Variants in MAP4K4 observed in about 807,000 individuals in gnomAD.
The protein encoded by MAP4K4 is HPK/GCK-like kinase HGK.
MAP4K4 carries 38 observed loss-of-function variants against 189.6 expected under a neutral mutation model. The ratio of observed to expected loss-of-function variants is 0.20; its 90% CI spans 0.15 to 0.26. The LOEUF is 0.26. Among genes scored for constraint, MAP4K4 ranks in the 10% least tolerant of loss-of-function variants. The probability of loss-of-function intolerance (pLI) is 1.00; values close to 1 mark genes in which losing one functional copy is unlikely to be tolerated. For missense variants in MAP4K4, 1,054 were observed against 1,726.9 expected (o/e 0.61, Z 6.91); for synonymous variants, 610 against 624.3 (o/e 0.98, Z 0.34).
chr2:101,747,737 GA>G (rs1310225420), intron 2 of MAP4K4, among the ~76,000 whole-genome samples: 5 of 152,000 alleles, frequency 3.3e-5, no homozygotes, highest in South Asian at 2.1e-4. Context: ...GCTCTCTGAG[GA>G]AAAAATTAAC....
At chr2:101,738,277 G>C (rs1468586507) in intron 2 of MAP4K4, among the ~76,000 whole-genome samples, 1 of 152,168 alleles carries the variant, frequency 6.6e-6, no homozygotes, top group Non-Finnish European at 1.5e-5. Flanking sequence ...AACAAAAGAA[G>C]TTAGGTAAAC....
chr2:101,816,163 C>T (rs1435114983), intron 3 of MAP4K4, among the ~76,000 whole-genome samples: 1 of 152,218 alleles, frequency 6.6e-6, no homozygotes, highest in Non-Finnish European at 1.5e-5. Flanking sequence ...CTCAGGGTCA[C>T]TGCCCTTATG....
intron 2 of MAP4K4, among the ~76,000 whole-genome samples, chr2:101,753,822 T>C (rs1406382971): frequency 1.3e-5 from 2 of 152,104 alleles, no homozygotes; most frequent in Non-Finnish European, 2.9e-5. Flanking sequence ...AGTACCTCAG[T>C]CTTTGGTGGC....
chr2:101,769,812 C>T (rs892699356), intron 2 of MAP4K4, among the ~76,000 whole-genome samples: 2 of 152,070 alleles, frequency 1.3e-5, no homozygotes, highest in Non-Finnish European at 2.9e-5. Context: ...AAACTCCTGA[C>T]CTCAGGTGAT....
chr2:101,704,888 C>T (rs1199414426), intron 2 of MAP4K4, among the ~76,000 whole-genome samples: 1 of 151,926 alleles, frequency 6.6e-6, no homozygotes, highest in East Asian at 1.9e-4. Flanking sequence ...ATTGTGGCAG[C>T]AATGGTTGTT....
At chr2:101,747,728 C>G (rs2066380163) in intron 2 of MAP4K4, among the ~76,000 whole-genome samples, 2 of 152,112 alleles carry the variant, frequency 1.3e-5, no homozygotes. Flanking sequence ...ATTAGAAAAG[C>G]TCTCTGAGGA....
chr2:101,845,907 A>G (rs1244349440), intron 12 of MAP4K4, among the ~76,000 whole-genome samples: 1 of 152,220 alleles, frequency 6.6e-6, no homozygotes, highest in African/African-American at 2.4e-5. Context: ...ATCCAGTGGA[A>G]TTTAACCTAT....
chr2:101,697,768 G>GCGGGGCGCGGGCGC (rs2035107965), exon 1 of MAP4K4: 1 of 145,798 alleles, frequency 6.9e-6, no homozygotes, highest in Non-Finnish European at 1.5e-5. Context: ...GGCGCGCGGC[G>GCGGGGCGCGGGCGC]CGGGGCGCGG....
chr2:101,856,090 G>A (rs763473237), exon 13 of MAP4K4: 8 of 1,551,652 alleles, frequency 5.2e-6, no homozygotes, highest in South Asian at 3.6e-5. Context: ...AAGAAGAAGA[G>A]GAGAGGAGAC....
At position 101,793,776 on chromosome 2, in the gene MAP4K4, C is replaced by T. The variant is rs182474581; in HGVS notation, c.180+3000C>T. Among the ~76,000 whole-genome samples, 26 of 152,176 alleles carry T rather than the reference C, an allele frequency of 1.7e-4. No homozygotes were observed. In the South Asian group the frequency reaches 3.9e-3, roughly 23 times the overall value. On this transcript the variant is annotated intron_variant, in intron 3 of 32. Coordinates refer to ENST00000324219, the Ensembl canonical transcript of MAP4K4. ...TTGAATGGTGTGGCTGCTCTTCTCC[C>T]GAGCTGTCAGCTGTTGGCAGGCTGA...
At chr2:101,840,410 CTA>C (rs2096881494) in intron 10 of MAP4K4, among the ~76,000 whole-genome samples, 1 of 152,170 alleles carries the variant, frequency 6.6e-6, no homozygotes, top group South Asian at 2.1e-4. Context: ...CTGCTCTACT[CTA>C]TTACAAGCGG....
At position 101,831,934 on chromosome 2, in the gene MAP4K4, C is replaced by G. The variant is rs564826611; in HGVS notation, c.639+83C>G. 27 of 1,468,804 alleles carry G rather than the reference C, an allele frequency of 1.8e-5. No individual in the cohort carries two copies. The South Asian group carries it at 3.3e-4, about 18-fold the overall frequency. The allele number at this position is 1,468,804 out of a possible 1,614,324, so 91.0% of individuals were successfully genotyped here. A position where few individuals can be genotyped will look rare whatever the true frequency, so the allele number is the denominator to read the frequency against. On this transcript the variant is annotated intron_variant, in intron 7 of 32. Transcript: ENST00000324219. The stretch of plus-strand genomic sequence containing the variant: ...GGGCTTTGCTTATAAATTGCACACC[C>G]CTTGTCTGCCTGCCTTTTCAGGGAG...
chr2:101,728,643 C>T (rs1574375541), intron 2 of MAP4K4, among the ~76,000 whole-genome samples: 1 of 152,104 alleles, frequency 6.6e-6, no homozygotes. Context: ...CTCAGCCTCC[C>T]GAGTAGCTGG....
intron 2 of MAP4K4, among the ~76,000 whole-genome samples, chr2:101,749,103 C>T (rs1574837643): frequency 2.0e-5 from 3 of 149,194 alleles, no homozygotes; most frequent in Non-Finnish European, 1.5e-5. Context: ...TTTACAGATT[C>T]AATGCCATCC....
chr2:101,862,378 G>C (rs2097691049), intron 16 of MAP4K4: 2 of 152,082 alleles, frequency 1.3e-5, no homozygotes, highest in Admixed American at 6.6e-5. Flanking sequence ...CTCCAGAGAG[G>C]AGAGGATAGA....
intron 12 of MAP4K4, 73 bp from the exon 13 acceptor site, chr2:101,855,904 G>T: frequency 6.9e-7 from 1 of 1,446,544 alleles, no homozygotes; most frequent in South Asian, 1.4e-5. Context: ...GGCACTGACT[G>T]ATCAGCACAC....
intron 2 of MAP4K4, among the ~76,000 whole-genome samples, chr2:101,787,926 C>T (rs1367376974): frequency 6.6e-6 from 1 of 151,674 alleles, no homozygotes; most frequent in Non-Finnish European, 1.5e-5. Flanking sequence ...GCCTCAGCCT[C>T]CTGAGTAGCT....
intron 16 of MAP4K4, 128 bp from the exon 17 acceptor site, chr2:101,863,693 G>T (rs1376815457): frequency 4.0e-6 from 2 of 500,830 alleles, no homozygotes; most frequent in Non-Finnish European, 7.8e-6. Flanking sequence ...CTGCGTGGCT[G>T]ACCTAACACT....
At chr2:101,728,925 A>G (rs1383318665) in intron 2 of MAP4K4, among the ~76,000 whole-genome samples, 1 of 152,214 alleles carries the variant, frequency 6.6e-6, no homozygotes, top group Admixed American at 6.5e-5. Context: ...AAACCTGGCA[A>G]AATTAAGAAT....
Sources: gnomAD v4.1 joint callset for allele counts (sites outside exome capture counted in the v4.1 genomes callset) on GRCh38, gnomAD v4.1.1 for gene constraint, MANE v1.5 for transcripts, NCBI Gene and HGNC (gene_info 2026-07-23, HGNC 2026-07-21) for gene names.